The following VPS13B variants were observed in gnomAD, a reference collection of about 807,000 sequenced individuals.
VPS13B encodes intermembrane lipid transfer protein VPS13B.
VPS13B carries 285 observed loss-of-function variants against 426.4 expected under a neutral mutation model. That is an observed-to-expected ratio of 0.67 (90% CI 0.61 to 0.74). The LOEUF (loss-of-function observed/expected upper bound fraction) is 0.74. VPS13B is among the 30% of genes least tolerant of loss of function. The probability of loss-of-function intolerance (pLI) is 0.00; values close to 1 mark genes in which losing one functional copy is unlikely to be tolerated. For synonymous variants in VPS13B, 1,676 were observed against 1,676.4 expected (o/e 1.00, Z 0.01); for missense variants, 4,537 against 4,782.6 (o/e 0.95, Z 1.51).
In VPS13B at chr8:99,141,782, C is replaced by T. The variant is rs573403066; in HGVS notation, c.1652-1192C>T. ...ATTTTTGGCCAGGCGTGGTGGCTCA[C>T]TCCTGTAATCTCAGCACTTTGGGAG... On this transcript the variant is annotated intron_variant, in intron 12 of 61. Transcript: ENST00000357162. Among the ~76,000 whole-genome samples the T allele has an allele frequency of 2.6e-5, 4 of 151,570 alleles. No homozygotes were observed. In the East Asian group the frequency reaches 7.8e-4, roughly 29 times the overall value.
intron 19 of VPS13B, among the ~76,000 whole-genome samples, chr8:99,326,370 G>C (rs1810258636): frequency 7.0e-6 from 1 of 143,770 alleles, no homozygotes; most frequent in South Asian, 2.3e-4. Flanking sequence ...ATGTGAATTT[G>C]TCTAATTGGT....
rs544549142 is a variant in VPS13B at position 99,212,895 on chromosome 8, T to C, written c.2515+19838T>C. On this transcript the variant is annotated intron_variant, in intron 17 of 61. Coordinates refer to ENST00000357162, the MANE Select transcript of VPS13B (RefSeq NM_152564.5). The stretch of plus-strand genomic sequence containing the variant: ...TTAACCATATCAACCCCATAAAGTT[T>C]CTAGGCTAAGTCACGCTTTCATATG... Among the ~76,000 whole-genome samples the C allele has an allele frequency of 7.2e-5, 11 of 152,298 alleles. No individual in the cohort carries two copies. In the South Asian group the frequency reaches 2.3e-3, roughly 32 times the overall value.
intron 17 of VPS13B, among the ~76,000 whole-genome samples, chr8:99,268,539 T>C (rs898847482): frequency 2.6e-5 from 4 of 152,240 alleles, no homozygotes; most frequent in Admixed American, 6.5e-5. Context: ...ATTTAATGAC[T>C]GCCCTATTGG....
In VPS13B at chr8:99,274,239, A is replaced by G. The variant is rs760566799; in HGVS notation, c.2557A>G (p.Ile853Val). ...KNPLPTLEGS[I>V]QNVELKYCST... ...TCCCCTGCCAACTCTTGAGGGCTCA[A>G]TCCAGAATGTTGAATTGAAGTACTG... The change falls in exon 18 of 62, where the codon ATC (isoleucine) becomes GTC (valine). Residue 853 changes from isoleucine to valine, a missense_variant. Physicochemically the swap from Ile to Val is conservative, Grantham distance 29 (BLOSUM62 3). This residue lies in a region of VPS13B where 4,311 missense variants were observed against 4,474.3 expected (regional missense o/e 0.96). Coordinates refer to ENST00000357162, the MANE Select transcript of VPS13B (RefSeq NM_152564.5). 2 of 1,614,170 alleles carry G rather than the reference A, an allele frequency of 1.2e-6. No individual in the cohort carries two copies. Among genetic ancestry groups the G allele is most frequent in the Non-Finnish European group, 8.5e-7 (1 of 1,180,016 alleles).
At position 99,876,079 on chromosome 8, in the gene VPS13B, G is replaced by GTAAT. The variant is rs1208034810; in HGVS notation, c.*419_*422dup. ...TATGACACTTGCAAAAATCTCTACT[G>GTAAT]TAATTAATTTGGGTCTATTATTAAC... On this transcript the variant is annotated 3_prime_UTR_variant, in exon 62 of 62. Coordinates refer to ENST00000357162, the MANE Select transcript of VPS13B (RefSeq NM_152564.5). 7 of 197,886 alleles carry GTAAT rather than the reference G, an allele frequency of 3.5e-5. No individual in the cohort carries two copies. The highest frequency in any genetic ancestry group is 5.6e-5 in the Non-Finnish European group (6 of 106,322). 12.3% of individuals were successfully genotyped at this position (197,886 alleles called of 1,614,324 possible).
intron 2 of VPS13B, among the ~76,000 whole-genome samples, chr8:99,032,428 A>G (rs1030473270): frequency 1.3e-5 from 2 of 150,658 alleles, no homozygotes; most frequent in African/African-American, 4.9e-5. Flanking sequence ...TGTTCCTCTG[A>G]TATTTATTAA....
At chr8:99,605,788 C>T (rs1827539498) in intron 33 of VPS13B, among the ~76,000 whole-genome samples, 2 of 152,090 alleles carry the variant, frequency 1.3e-5, no homozygotes, top group South Asian at 4.2e-4. Flanking sequence ...TGAAGTTGGT[C>T]CTTTTTAAAA....
At chr8:99,051,369 G>A (rs1454658304) in intron 3 of VPS13B, among the ~76,000 whole-genome samples, 1 of 151,776 alleles carries the variant, frequency 6.6e-6, no homozygotes, top group Non-Finnish European at 1.5e-5. Context: ...TGAGGGCTCT[G>A]TTCTGTTCCA....
chr8:99,614,846 G>A (rs539869659), intron 33 of VPS13B, among the ~76,000 whole-genome samples: 2 of 151,962 alleles, frequency 1.3e-5, no homozygotes, highest in South Asian at 2.1e-4. Flanking sequence ...AGCCAGATGC[G>A]GTGGCTCACG....
chr8:99,702,079 T>C (rs916763169), intron 36 of VPS13B, among the ~76,000 whole-genome samples: 5 of 152,108 alleles, frequency 3.3e-5, no homozygotes, highest in African/African-American at 1.2e-4. Flanking sequence ...TTGGATAAAA[T>C]ACATGCAAAC....
At chr8:99,508,809 G>A (rs1011246004) in intron 28 of VPS13B, among the ~76,000 whole-genome samples, 2 of 150,898 alleles carry the variant, frequency 1.3e-5, no homozygotes, top group Non-Finnish European at 3.0e-5. Flanking sequence ...ATTTTAAATA[G>A]TATAAAGTAT....
chr8:99,085,387 A>G (rs558295800), intron 3 of VPS13B, among the ~76,000 whole-genome samples: 2 of 152,174 alleles, frequency 1.3e-5, no homozygotes, highest in African/African-American at 2.4e-5. Flanking sequence ...AGCACACTTA[A>G]TGGTTCTTGA....
chr8:99,783,974 A>G (rs1354223559), intron 42 of VPS13B, among the ~76,000 whole-genome samples: 1 of 152,194 alleles, frequency 6.6e-6, no homozygotes, highest in African/African-American at 2.4e-5. Context: ...ACTCTGCTCA[A>G]AAACGTGCAC....
At chr8:99,320,404 C>A (rs973928196) in intron 19 of VPS13B, among the ~76,000 whole-genome samples, 5 of 152,140 alleles carry the variant, frequency 3.3e-5, no homozygotes, top group Non-Finnish European at 5.9e-5. Flanking sequence ...ATTTCTTCCT[C>A]TTCTTCAATT....
At chr8:99,075,884 CTTTA>C (rs1334293545) in intron 3 of VPS13B, among the ~76,000 whole-genome samples, 1 of 152,020 alleles carries the variant, frequency 6.6e-6, no homozygotes, top group Non-Finnish European at 1.5e-5. Context: ...CTGCTCTGAT[CTTTA>C]TTGTTTCCTT....
intron 20 of VPS13B, among the ~76,000 whole-genome samples, chr8:99,385,573 A>G (rs996486528): frequency 6.6e-6 from 1 of 152,214 alleles, no homozygotes; most frequent in African/African-American, 2.4e-5. Context: ...AGTATGCTGT[A>G]CACCATGGCC....
At chr8:99,540,706 T>C (rs1563785516) in intron 30 of VPS13B, among the ~76,000 whole-genome samples, 3 of 152,236 alleles carry the variant, frequency 2.0e-5, no homozygotes, top group Admixed American at 2.0e-4. Context: ...TAATATTCTA[T>C]ATTATCTCAG....
chr8:99,458,666 C>T (rs1307260334), intron 23 of VPS13B, among the ~76,000 whole-genome samples: 9 of 152,182 alleles, frequency 5.9e-5, no homozygotes, highest in East Asian at 1.9e-4. Context: ...TCTCTGATGG[C>T]CAGTGATGAT....
Position 99,831,076 on chromosome 8 carries a change from C to CTTTTTTTTT in VPS13B, c.9331-1287_9331-1279dup, listed in dbSNP as rs773817774. Among the ~76,000 whole-genome samples the CTTTTTTTTT allele has an allele frequency of 2.5e-5, 3 of 120,084 alleles. 1 individual carries two copies. The Admixed American group carries it at 2.9e-4, about 11-fold the overall frequency. 78.8% of individuals were successfully genotyped at this position (120,084 alleles called of 152,430 possible). A position where few individuals can be genotyped will look rare whatever the true frequency, so the allele number is the denominator to read the frequency against. On this transcript the variant is annotated intron_variant, in intron 51 of 61. Coordinates refer to ENST00000357162, the MANE Select transcript of VPS13B (RefSeq NM_152564.5). ...CTTGCCCGGGAATTGGTGTTTTTTTCTTTTTTTTTTTTTTGAGATAGAGTC... is the reference window on the plus strand; with the variant it reads ...CTTGCCCGGGAATTGGTGTTTTTTTCTTTTTTTTTTTTTTTTTTTTTTTGAGATAGAGTC...
Sources: allele counts gnomAD v4.1 joint callset (sites outside exome capture counted in the v4.1 genomes callset), GRCh38; gene constraint gnomAD v4.1.1; regional missense constraint gnomAD v4.1.1; transcripts MANE v1.5; gene names NCBI Gene and HGNC (gene_info 2026-07-23, HGNC 2026-07-21).